The following NT5C1A variants were observed in gnomAD, a reference collection of about 807,000 sequenced individuals.
NT5C1A encodes 5'-nucleotidase, cytosolic IA, also known as cytosolic 5'-nucleotidase 1A.
A neutral mutation model predicts 31.0 loss-of-function variants in NT5C1A; 18 were observed. That is an observed-to-expected ratio of 0.58 (90% confidence interval 0.40 to 0.86). NT5C1A has a LOEUF of 0.86. Ranked by LOEUF, NT5C1A falls within the 40% of genes least tolerant of loss-of-function variation. The pLI, the probability that NT5C1A is intolerant of heterozygous loss-of-function variation, is 0.00. For synonymous variants in NT5C1A, 185 were observed against 203.6 expected, an observed-to-expected ratio of 0.91 and a Z score of 0.78; for missense variants, 470 against 505.4, an observed-to-expected ratio of 0.93 and a Z score of 0.67.
chr1:39,660,046 CA>C (rs1409142778), intron 5 of NT5C1A, among the ~76,000 whole-genome samples: 1 of 152,172 alleles, frequency 6.6e-6, no homozygotes, highest in Non-Finnish European at 1.5e-5. Flanking sequence ...AATAAAAAAA[CA>C]GACAACGATG....
chr1:39,670,709 A>G (rs1646546417), intron 1 of NT5C1A, among the ~76,000 whole-genome samples: 1 of 152,158 alleles, frequency 6.6e-6, no homozygotes, highest in Non-Finnish European at 1.5e-5. Context: ...TTCTTCATTC[A>G]GTACTTATTC....
chr1:39,671,785 G>A, intron 1 of NT5C1A, 119 bp downstream of exon 1: 1 of 1,231,616 alleles, frequency 8.1e-7, no homozygotes, highest in Non-Finnish European at 1.1e-6. Context: ...CGCATTCTGG[G>A]GCTGAGGAGC....
At chr1:39,667,928 A>T (rs1376348555) in intron 1 of NT5C1A, among the ~76,000 whole-genome samples, 1 of 152,204 alleles carries the variant, frequency 6.6e-6, no homozygotes, top group Admixed American at 6.5e-5. Flanking sequence ...TGGTAAATGC[A>T]GCTTTAGAAC....
chr1:39,658,157 C>T lies in NT5C1A; in HGVS notation c.*964G>A, dbSNP rs1290576278. On this transcript the variant is annotated 3_prime_UTR_variant, in exon 6 of 6. Transcript: ENST00000235628. Reference sequence around the variant, plus strand: ...ACTGAACTTCGGCTCAAAGCAAGAGCAAAGGAAACACTGAGCAGGCAGCTA... The same window carrying T: ...ACTGAACTTCGGCTCAAAGCAAGAGTAAAGGAAACACTGAGCAGGCAGCTA... Among the ~76,000 whole-genome samples, 2 of 152,184 alleles carry T rather than the reference C, an allele frequency of 1.3e-5. No homozygotes were observed. Among genetic ancestry groups the T allele is most frequent in the Non-Finnish European group, 2.9e-5 (2 of 68,028 alleles).
rs1646448855 is a variant in NT5C1A, at chr1:39,654,273, C to A, written c.*4848G>T. On this transcript the variant is annotated 3_prime_UTR_variant, in exon 6 of 6. Transcript: ENST00000235628. ...ACAGGAGTTTTCTCTCTCACTTGAT[C>A]AGTAACTTCTGAACCGGCTAAAGTC... 6.6e-6 allele frequency among the ~76,000 whole-genome samples: 1 copy of A among 152,192 alleles called. No individual in the cohort carries two copies.
chr1:39,665,714 A>G, intron 2 of NT5C1A, 64 bp from the exon 3 acceptor site: 3 of 1,550,756 alleles, frequency 1.9e-6, no homozygotes, highest in Non-Finnish European at 8.8e-7. Context: ...GTTGGTGGCC[A>G]AGGATTCAGT....
At chr1:39,671,840 C>T (rs1646553829) in intron 1 of NT5C1A, 64 bp downstream of exon 1, 1 of 1,598,066 alleles carries the variant, frequency 6.3e-7, no homozygotes, top group South Asian at 1.1e-5. Flanking sequence ...TCCCAAGAGA[C>T]TTATGACCCC....
At chr1:39,660,682 A>T (rs1261869170) in intron 5 of NT5C1A, among the ~76,000 whole-genome samples, 1 of 151,922 alleles carries the variant, frequency 6.6e-6, no homozygotes, top group African/African-American at 2.4e-5. Context: ...CCAGAGAGAG[A>T]ATGGGAGCTT....
Position 39,658,871 on chromosome 1 carries a change from C to G in NT5C1A, c.*250G>C, listed in dbSNP as rs576818530. Among the ~76,000 whole-genome samples, 1 of 152,154 alleles carries G rather than the reference C, an allele frequency of 6.6e-6. No homozygotes were observed. Among genetic ancestry groups the G allele is most frequent in the Non-Finnish European group, 1.5e-5 (1 of 68,030 alleles). ...CCCTCTCAGACCCATTAACTTCCCC[C>G]CTGAAATCCAGCTACTCTGCACAGT... On this transcript the variant is annotated 3_prime_UTR_variant, in exon 6 of 6. Coordinates refer to ENST00000235628, the MANE Select transcript of NT5C1A (RefSeq NM_032526.3).
At position 39,651,517 on chromosome 1, in the gene NT5C1A, C is replaced by T. The variant is rs1182266007; in HGVS notation, c.*7604G>A. On this transcript the variant is annotated 3_prime_UTR_variant, in exon 6 of 6. Transcript: ENST00000235628. ...AAGAAACACATGCTCTAACCATTTA[C>T]GGAGGCACTTAGGTTTATCATAACA... 2.0e-5 allele frequency among the ~76,000 whole-genome samples: 3 copies of T among 152,146 alleles called. No homozygotes were observed. The highest frequency in any genetic ancestry group is 2.1e-4 in the South Asian group (1 of 4,818).
At position 39,656,534 on chromosome 1, in the gene NT5C1A, G is replaced by A. The variant is rs926859271; in HGVS notation, c.*2587C>T. ...TAATGATGGCTCCAGTGAAATCCATGGCTTTTACTGCACCTTATCTTTCTG... is the reference window on the plus strand; with the variant it reads ...TAATGATGGCTCCAGTGAAATCCATAGCTTTTACTGCACCTTATCTTTCTG... On this transcript the variant is annotated 3_prime_UTR_variant, in exon 6 of 6. Transcript: ENST00000235628. Among the ~76,000 whole-genome samples the A allele has an allele frequency of 1.4e-4, 21 of 152,338 alleles. No homozygotes were observed. The highest frequency in any genetic ancestry group is 4.3e-4 in the African/African-American group (18 of 41,572).
rs1009881934 is a variant in NT5C1A at position 39,658,773 on chromosome 1, T to C, written c.*348A>G. On this transcript the variant is annotated 3_prime_UTR_variant, in exon 6 of 6. Coordinates refer to ENST00000235628, the MANE Select transcript of NT5C1A (RefSeq NM_032526.3). Reference sequence around the variant, plus strand: ...CCAGATCCACTCTCTCCCATAGCAGTGTTGTTTACACCACATTGAGCTAGT... The same window carrying C: ...CCAGATCCACTCTCTCCCATAGCAGCGTTGTTTACACCACATTGAGCTAGT... 6.6e-6 allele frequency among the ~76,000 whole-genome samples: 1 copy of C among 152,200 alleles called. No homozygotes were observed. Among genetic ancestry groups the C allele is most frequent in the Non-Finnish European group, 1.5e-5 (1 of 68,038 alleles).
chr1:39,671,822 G>A (rs1234568388), intron 1 of NT5C1A, 82 bp downstream of exon 1: 9 of 1,539,612 alleles, frequency 5.8e-6, no homozygotes, highest in African/African-American at 1.4e-5. Flanking sequence ...GGGGCGCCAC[G>A]GGTCCCTTCC....
intron 2 of NT5C1A, 145 bp from the exon 3 acceptor site, chr1:39,665,795 C>T: frequency 1.1e-6 from 1 of 878,512 alleles, no homozygotes; most frequent in Non-Finnish European, 1.8e-6. Context: ...ATGCAAGTTG[C>T]TTACCACTCA....
rs1180277 is a variant in NT5C1A at position 39,651,538 on chromosome 1, T to C, written c.*7583A>G. Among the ~76,000 whole-genome samples the C allele has an allele frequency of 0.12, 17,892 of 152,170 alleles. 1,121 individuals are homozygous for C. The highest frequency in any genetic ancestry group is 0.2 in the Middle Eastern group (60 of 294). Reference sequence around the variant, plus strand: ...TTTACGGAGGCACTTAGGTTTATCATAACAAGCAACCCAGAGAGGTTGGGT... The same window carrying C: ...TTTACGGAGGCACTTAGGTTTATCACAACAAGCAACCCAGAGAGGTTGGGT... On this transcript the variant is annotated 3_prime_UTR_variant, in exon 6 of 6. Transcript: ENST00000235628.
At chr1:39,671,534 C>T (rs1646552065) in intron 1 of NT5C1A, among the ~76,000 whole-genome samples, 1 of 152,252 alleles carries the variant, frequency 6.6e-6, no homozygotes, top group Non-Finnish European at 1.5e-5. Flanking sequence ...GAACCGGGTT[C>T]CCAAAGTCTG....
At chr1:39,666,582 G>C (rs1646524354) in intron 1 of NT5C1A, among the ~76,000 whole-genome samples, 1 of 152,144 alleles carries the variant, frequency 6.6e-6, no homozygotes, top group Non-Finnish European at 1.5e-5. Context: ...GATCTCAGTT[G>C]GTTTCCATTG....
chr1:39,655,287 C>T lies in NT5C1A; in HGVS notation c.*3834G>A, dbSNP rs984001961. 2.6e-5 allele frequency among the ~76,000 whole-genome samples: 4 copies of T among 152,262 alleles called. No individual in the cohort carries two copies. The highest frequency in any genetic ancestry group is 2.1e-4 in the South Asian group (1 of 4,824). ...AACAGGTGATGGGTCAGATTTGGCC[C>T]GTGGGCCCAGAGTTTGCCAAACTCT... is the stretch of plus-strand genomic sequence containing the variant. On this transcript the variant is annotated 3_prime_UTR_variant, in exon 6 of 6. Transcript: ENST00000235628.
rs1570454966 is a variant in NT5C1A, at chr1:39,657,175, G to A, written c.*1946C>T. On this transcript the variant is annotated 3_prime_UTR_variant, in exon 6 of 6. Coordinates refer to ENST00000235628, the MANE Select transcript of NT5C1A (RefSeq NM_032526.3). ...CCACACAGCCATACCCTTCCTCCCT[G>A]GGACCAGCCTCATGGAGACCTCTGA... 6.6e-6 allele frequency among the ~76,000 whole-genome samples: 1 copy of A among 152,182 alleles called. No homozygotes were observed. The highest frequency in any genetic ancestry group is 1.9e-4 in the East Asian group (1 of 5,194).
Sources: allele counts gnomAD v4.1 joint callset (sites outside exome capture counted in the v4.1 genomes callset), GRCh38; gene constraint gnomAD v4.1.1; transcripts MANE v1.5; gene names NCBI Gene and HGNC (gene_info 2026-07-23, HGNC 2026-07-21).